Variants in FGF14 observed in about 807,000 individuals in gnomAD.
FGF14 encodes the protein fibroblast growth factor homologous factor 4.
FGF14 carries 5 observed loss-of-function variants against 25.5 expected under a neutral mutation model. The ratio of observed to expected loss-of-function variants is 0.20; its 90% CI spans 0.10 to 0.41. The LOEUF is 0.41. FGF14 is among the 10% of genes least tolerant of loss of function. The pLI is 1.00. For synonymous variants in FGF14, 138 were observed against 118.3 expected (o/e 1.17, Z -1.08); for missense variants, 222 against 320.1 (o/e 0.69, Z 2.34).
At chr13:102,109,694 C>T (rs1039109092) in intron 1 of FGF14, among the ~76,000 whole-genome samples, 3 of 152,076 alleles carry the variant, frequency 2.0e-5, no homozygotes, top group East Asian at 3.9e-4. Context: ...GATTTTGGTT[C>T]ACTGCAACAT....
At chr13:101,817,738 C>G (rs2041912543) in intron 3 of FGF14, among the ~76,000 whole-genome samples, 1 of 152,212 alleles carries the variant, frequency 6.6e-6, no homozygotes, top group Non-Finnish European at 1.5e-5. Flanking sequence ...CTCAACAGCA[C>G]TCAGGGTGCC....
intron 1 of FGF14, among the ~76,000 whole-genome samples, chr13:102,316,609 T>A (rs2056035682): frequency 6.6e-6 from 1 of 152,212 alleles, no homozygotes; most frequent in Non-Finnish European, 1.5e-5. Flanking sequence ...TTGCCTTGAA[T>A]CACTCTCTTG....
chr13:102,304,401 T>A (rs1280341095), intron 1 of FGF14, among the ~76,000 whole-genome samples: 1 of 152,130 alleles, frequency 6.6e-6, no homozygotes, highest in Admixed American at 6.6e-5. Context: ...CAGCTCCTGA[T>A]TCTTCCCTAA....
chr13:101,848,232 T>C lies in FGF14; in HGVS notation c.408+20493A>G, dbSNP rs112585181. ...TCTTTTCATCAACCCTGTCAAGATA[T>C]GCATTTTACCTTTCATACTACTGAA... On this transcript the variant is annotated intron_variant, in intron 3 of 4. Coordinates refer to ENST00000376143, the MANE Select transcript of FGF14 (RefSeq NM_004115.4). Among the ~76,000 whole-genome samples, 124 of 152,128 alleles carry C rather than the reference T, an allele frequency of 8.2e-4. 1 individual carries two copies. The highest frequency in any genetic ancestry group is 3.4e-3 in the Middle Eastern group (1 of 294).
intron 1 of FGF14, among the ~76,000 whole-genome samples, chr13:101,944,623 G>A (rs150669213): frequency 0.013 from 1,907 of 152,218 alleles, 45 homozygotes; most frequent in African/African-American, 0.044. Flanking sequence ...TAGCCAAAAC[G>A]TGGGAGCAAC....
chr13:102,276,320 C>CACACAA (rs2053536359), intron 1 of FGF14, among the ~76,000 whole-genome samples: 1 of 123,398 alleles, frequency 8.1e-6, no homozygotes, highest in Non-Finnish European at 1.7e-5. Flanking sequence ...CACACACACA[C>CACACAA]ACACACACGT....
intron 1 of FGF14, among the ~76,000 whole-genome samples, chr13:102,149,730 T>C (rs1421387703): frequency 3.3e-5 from 5 of 152,136 alleles, no homozygotes; most frequent in Admixed American, 2.6e-4. Context: ...GGCGACGAAG[T>C]CGAGGGACAT....
At chr13:101,934,985 T>C (rs2035007686) in intron 1 of FGF14, among the ~76,000 whole-genome samples, 1 of 152,242 alleles carries the variant, frequency 6.6e-6, no homozygotes, top group Admixed American at 6.5e-5. Context: ...GTACATATTG[T>C]ATTGGCTCCT....
chr13:101,961,488 A>G (rs925242791), intron 1 of FGF14, among the ~76,000 whole-genome samples: 2 of 152,134 alleles, frequency 1.3e-5, no homozygotes, highest in African/African-American at 2.4e-5. Flanking sequence ...GTTGAAGATC[A>G]GGTGGTTGTA....
At chr13:102,120,753 G>C (rs908537693) in intron 1 of FGF14, among the ~76,000 whole-genome samples, 2 of 150,480 alleles carry the variant, frequency 1.3e-5, no homozygotes, top group African/African-American at 4.9e-5. Context: ...GCCCAGGCTG[G>C]AGTGCAGTGA....
intron 1 of FGF14, among the ~76,000 whole-genome samples, chr13:102,216,419 G>C (rs923357286): frequency 6.6e-6 from 1 of 152,188 alleles, no homozygotes; most frequent in Non-Finnish European, 1.5e-5. Flanking sequence ...AAGGGCACTA[G>C]AGAATGTTAC....
chr13:102,269,974 C>A (rs1018340026), intron 1 of FGF14, among the ~76,000 whole-genome samples: 7 of 152,154 alleles, frequency 4.6e-5, no homozygotes, highest in African/African-American at 1.7e-4. Context: ...TGTTCAAAGG[C>A]AGGGACCAGT....
intron 1 of FGF14, among the ~76,000 whole-genome samples, chr13:102,098,014 A>G (rs1040778456): frequency 6.6e-6 from 1 of 152,246 alleles, no homozygotes; most frequent in African/African-American, 2.4e-5. Flanking sequence ...CTCACCATGC[A>G]GCCCAAATGG....
At chr13:101,914,554 G>T (rs2033280803) in intron 1 of FGF14, among the ~76,000 whole-genome samples, 1 of 152,120 alleles carries the variant, frequency 6.6e-6, no homozygotes, top group Non-Finnish European at 1.5e-5. Flanking sequence ...AGAGCAGTCA[G>T]GGTTGAAAAT....
intron 1 of FGF14, among the ~76,000 whole-genome samples, chr13:102,201,657 T>A (rs2049657270): frequency 1.3e-5 from 2 of 152,134 alleles, no homozygotes; most frequent in Admixed American, 1.3e-4. Flanking sequence ...CTACTGAGCA[T>A]GATGTATAAG....
At chr13:102,183,614 T>C (rs567582252) in intron 1 of FGF14, among the ~76,000 whole-genome samples, 12 of 152,166 alleles carry the variant, frequency 7.9e-5, no homozygotes, top group Non-Finnish European at 1.8e-4. Flanking sequence ...TCATTTGCTG[T>C]CAGAATGGAA....
At chr13:102,303,047 A>G (rs1222054227) in intron 1 of FGF14, among the ~76,000 whole-genome samples, 1 of 152,146 alleles carries the variant, frequency 6.6e-6, no homozygotes. Flanking sequence ...TGCTTCTCTG[A>G]CATCATCTCC....
chr13:101,845,392 G>A (rs561016995), intron 3 of FGF14, among the ~76,000 whole-genome samples: 30 of 152,138 alleles, frequency 2.0e-4, no homozygotes, highest in Non-Finnish European at 3.7e-4. Context: ...GCTGGGTAGG[G>A]AGAATTTCTG....
intron 1 of FGF14, among the ~76,000 whole-genome samples, chr13:102,012,481 T>A (rs1022718513): frequency 4.6e-5 from 7 of 151,718 alleles, no homozygotes; most frequent in African/African-American, 1.7e-4. Flanking sequence ...CACATGCTCC[T>A]GCCAAAGCTT....
Sources: allele counts gnomAD v4.1 joint callset (sites outside exome capture counted in the v4.1 genomes callset), GRCh38; gene constraint gnomAD v4.1.1; transcripts MANE v1.5; gene names NCBI Gene and HGNC (gene_info 2026-07-23, HGNC 2026-07-21).